Variants in NRXN3 observed in about 807,000 individuals in gnomAD.
NRXN3 encodes neurexin III.
In NRXN3, 32 loss-of-function variants were observed where a neutral mutation model predicts 137.6. That is an observed-to-expected ratio of 0.23 (90% CI 0.18 to 0.31). NRXN3 has a LOEUF of 0.31. Ranked by LOEUF, NRXN3 falls within the 10% of genes least tolerant of loss-of-function variation. NRXN3 has a pLI of 1.00. For missense variants in NRXN3, 1,574 were observed against 2,062.5 expected (o/e 0.76, Z 4.59); for synonymous variants, 798 against 784.5 (o/e 1.02, Z -0.29).
chr14:79,356,638 C>T (rs2093432827), intron 15 of NRXN3, among the ~76,000 whole-genome samples: 1 of 152,204 alleles, frequency 6.6e-6, no homozygotes, highest in Non-Finnish European at 1.5e-5. Flanking sequence ...TTGGGTTATA[C>T]AGTGCCTATT....
At chr14:78,428,200 TAA>T (rs2093734211) in intron 4 of NRXN3, among the ~76,000 whole-genome samples, 1 of 152,128 alleles carries the variant, frequency 6.6e-6, no homozygotes, top group African/African-American at 2.4e-5. Flanking sequence ...GTTATGCAAA[TAA>T]AAGAATCAAG....
chr14:78,321,663 T>C (rs1361630764), intron 4 of NRXN3, among the ~76,000 whole-genome samples: 1 of 152,102 alleles, frequency 6.6e-6, no homozygotes, highest in African/African-American at 2.4e-5. Flanking sequence ...GGTGGGGTTC[T>C]TGGTTCCATG....
intron 11 of NRXN3, 108 bp downstream of exon 11, chr14:78,957,469 A>G: frequency 7.7e-7 from 1 of 1,290,328 alleles, no homozygotes; most frequent in Non-Finnish European, 1.1e-6. Flanking sequence ...AGTAGAAGTC[A>G]CAAATCATGT....
At chr14:79,806,397 G>T (rs1040119338) in intron 20 of NRXN3, among the ~76,000 whole-genome samples, 13 of 152,088 alleles carry the variant, frequency 8.5e-5, no homozygotes, top group Admixed American at 5.9e-4. Flanking sequence ...AAGTTCTGTG[G>T]GTTCATACCC....
rs1555903813 is a variant in NRXN3 at position 79,261,601 on chromosome 14, C to CTCTG, written c.3263-205619_3263-205618insCTGT. The stretch of plus-strand genomic sequence containing the variant: ...TGAAATCCCACAGATAAGAAAGGTG[C>CTCTG]TGTGTGTGTGTGTGTGTGTGTGTGT... On this transcript the variant is annotated intron_variant, in intron 15 of 20. Coordinates refer to ENST00000335750, the MANE Select transcript of NRXN3 (RefSeq NM_001330195.2). Among the ~76,000 whole-genome samples, 8 of 59,214 alleles carry CTCTG rather than the reference C, an allele frequency of 1.4e-4. No individual in the cohort carries two copies. In the East Asian group the frequency reaches 2.9e-3, roughly 22 times the overall value. The allele number at this position is 59,214 out of a possible 152,430, so 38.8% of individuals were successfully genotyped here.
intron 4 of NRXN3, among the ~76,000 whole-genome samples, chr14:78,307,470 G>A (rs2077487152): frequency 6.6e-6 from 1 of 152,120 alleles, no homozygotes; most frequent in Non-Finnish European, 1.5e-5. Flanking sequence ...AACCTTGTGA[G>A]ACACCCAGGC....
chr14:79,567,325 T>C (rs2097559854), intron 16 of NRXN3, among the ~76,000 whole-genome samples: 1 of 151,906 alleles, frequency 6.6e-6, no homozygotes, highest in African/African-American at 2.4e-5. Flanking sequence ...ATGCAAGAAA[T>C]TATCTGTACC....
In NRXN3 at chr14:78,667,928, C is replaced by T. The variant is rs571675058; in HGVS notation, c.1221+16602C>T. ...CCTCCCGAGTAGCTGGGATTACAAGCGCCCGCCACCACGCCCAGCTAATTT... is the reference window on the plus strand; with the variant it reads ...CCTCCCGAGTAGCTGGGATTACAAGTGCCCGCCACCACGCCCAGCTAATTT... On this transcript the variant is annotated intron_variant, in intron 6 of 20. Transcript: ENST00000335750. Among the ~76,000 whole-genome samples the T allele has an allele frequency of 3.9e-5, 6 of 152,136 alleles. No individual in the cohort carries two copies. In the South Asian group the frequency reaches 6.2e-4, roughly 16 times the overall value.
chr14:79,128,775 T>C (rs1596285179), intron 15 of NRXN3, among the ~76,000 whole-genome samples: 1 of 152,244 alleles, frequency 6.6e-6, no homozygotes, highest in South Asian at 2.1e-4. Flanking sequence ...CTTGTACCTC[T>C]GGTAGAATTC....
chr14:78,366,336 C>T (rs958293175), intron 4 of NRXN3, among the ~76,000 whole-genome samples: 49 of 152,140 alleles, frequency 3.2e-4, no homozygotes, highest in African/African-American at 9.2e-4. Context: ...CTCTTTTGGC[C>T]GCCCAGATGG....
At position 78,842,490 on chromosome 14, in the gene NRXN3, G is replaced by A. The variant is rs570112777; in HGVS notation, c.2275+32146G>A. 3.3e-5 allele frequency among the ~76,000 whole-genome samples: 5 copies of A among 152,174 alleles called. No individual in the cohort carries two copies. The South Asian group carries it at 1.0e-3, about 32-fold the overall frequency. ...GGTAATAAGATATCACAAGGTAAAT[G>A]GAGGCAGGGCGAGATCACAGGACCA... On this transcript the variant is annotated intron_variant, in intron 10 of 20. Coordinates refer to ENST00000335750, the MANE Select transcript of NRXN3 (RefSeq NM_001330195.2).
rs150439300 is a variant in NRXN3, at chr14:78,500,267, C to T, written c.758-144853C>T. Among the ~76,000 whole-genome samples the T allele has an allele frequency of 5.9e-3, 900 of 152,200 alleles. 5 individuals carry two copies. Among genetic ancestry groups the T allele is most frequent in the African/African-American group, 0.02 (830 of 41,534 alleles). On this transcript the variant is annotated intron_variant, in intron 4 of 20. Coordinates refer to ENST00000335750, the MANE Select transcript of NRXN3 (RefSeq NM_001330195.2). ...ATAGTTTTGCTTTACTTTTTCTCCC[C>T]TTATAAATAGAAACCTGTCCTTCCA...
At chr14:79,822,027 A>G (rs184592783) in intron 20 of NRXN3, among the ~76,000 whole-genome samples, 163 of 152,338 alleles carry the variant, frequency 1.1e-3, no homozygotes, top group African/African-American at 2.6e-3. Flanking sequence ...CATTGTTGCC[A>G]TACAAGACGA....
chr14:79,847,450 C>T (rs1221007913), intron 20 of NRXN3, among the ~76,000 whole-genome samples: 1 of 152,160 alleles, frequency 6.6e-6, no homozygotes, highest in East Asian at 1.9e-4. Flanking sequence ...TGGAGTTGAG[C>T]TCCTGCCCTC....
At chr14:78,193,238 C>T (rs1566942092) in intron 1 of NRXN3, among the ~76,000 whole-genome samples, 1 of 152,166 alleles carries the variant, frequency 6.6e-6, no homozygotes, top group African/African-American at 2.4e-5. Flanking sequence ...TGGAGCTTGT[C>T]TCATTTAACC....
At position 79,738,811 on chromosome 14, in the gene NRXN3, G is replaced by A. The variant is rs972323797; in HGVS notation, c.4014+40874G>A. Among the ~76,000 whole-genome samples the A allele has an allele frequency of 5.9e-5, 9 of 152,054 alleles. 1 individual carries two copies. In the South Asian group the frequency reaches 6.2e-4, roughly 11 times the overall value. On this transcript the variant is annotated intron_variant, in intron 19 of 20. Coordinates refer to ENST00000335750, the MANE Select transcript of NRXN3 (RefSeq NM_001330195.2). ...TGACCCCAAGTGATCCATCTGCCTC[G>A]GCCTCCCCAAGTGCTGGGATTACAG...
At chr14:78,711,485 A>G (rs923151117) in intron 7 of NRXN3, among the ~76,000 whole-genome samples, 1 of 123,868 alleles carries the variant, frequency 8.1e-6, no homozygotes, top group Non-Finnish European at 1.6e-5. Flanking sequence ...CTTGCTGCCC[A>G]GGCTGGAGTG....
At chr14:79,853,927 T>C (rs570824839) in intron 20 of NRXN3, 2 of 991,398 alleles carry the variant, frequency 2.0e-6, no homozygotes, top group Non-Finnish European at 1.2e-6. Context: ...AATTCAAAAA[T>C]TGATGCCCTC....
At chr14:78,895,881 A>G (rs1451138427) in intron 10 of NRXN3, among the ~76,000 whole-genome samples, 4 of 151,910 alleles carry the variant, frequency 2.6e-5, no homozygotes, top group African/African-American at 9.7e-5. Context: ...GACACACAAC[A>G]TTTATTAAGT....
Sources: gnomAD v4.1 joint callset for allele counts (sites outside exome capture counted in the v4.1 genomes callset) on GRCh38, gnomAD v4.1.1 for gene constraint, MANE v1.5 for transcripts, NCBI Gene and HGNC (gene_info 2026-07-23, HGNC 2026-07-21) for gene names.